The following TERT variants were observed in gnomAD, a reference collection of about 807,000 sequenced individuals.
TERT encodes telomerase reverse transcriptase.
Under a neutral mutation model 104.0 loss-of-function variants are expected in TERT, and 42 were observed. The ratio of observed to expected loss-of-function variants is 0.40; its 90% CI spans 0.32 to 0.52. The LOEUF is 0.52. TERT is among the 20% of genes least tolerant of loss of function. TERT has a pLI of 0.43. For missense variants in TERT, 1,101 were observed against 1,610.3 expected, an observed-to-expected ratio of 0.68 and a Z score of 5.41; for synonymous variants, 781 against 725.6, an observed-to-expected ratio of 1.08 and a Z score of -1.23.
rs1247698223 is a variant in TERT at position 1,279,192 on chromosome 5, G to A, written c.2130+99C>T. 6 of 1,380,184 alleles carry A rather than the reference G, an allele frequency of 4.3e-6. No homozygotes were observed. The East Asian group carries it at 1.5e-4, about 35-fold the overall frequency. 85.5% of individuals were successfully genotyped at this position (1,380,184 alleles called of 1,614,324 possible). On this transcript the variant is annotated intron_variant, in intron 5 of 15. Coordinates refer to ENST00000310581, the MANE Select transcript of TERT (RefSeq NM_198253.3). ...GACAGGGTCACCTGCACTCCCTGCG[G>A]CCCACCCAGGAGTACCTCCTCCACC...
intron 6 of TERT, among the ~76,000 whole-genome samples, chr5:1,273,598 C>A (rs1274339839): frequency 8.7e-5 from 3 of 34,568 alleles, no homozygotes; most frequent in Non-Finnish European, 5.4e-5. Flanking sequence ...CCACATCAGA[C>A]CCCACGACCG....
In TERT at chr5:1,253,835, C is replaced by T. The variant is rs780229179; in HGVS notation, c.3296-4G>A. The T allele has an allele frequency of 6.2e-6, 10 of 1,606,100 alleles. No homozygotes were observed. The highest frequency in any genetic ancestry group is 1.3e-5 in the African/African-American group (1 of 75,044). On this transcript the variant is annotated splice_region_variant and splice_polypyrimidine_tract_variant and intron_variant, in intron 15 of 15. Transcript: ENST00000310581. ...TTCCGACTCAGCTGCGTCTGGGCTG[C>T]GGGGCCAAAATCAGACTCCGTTCCA... is the stretch of plus-strand genomic sequence containing the variant.
At chr5:1,289,460 A>G (rs1419310886) in intron 2 of TERT, among the ~76,000 whole-genome samples, 9 of 40,328 alleles carry the variant, frequency 2.2e-4, no homozygotes, top group South Asian at 1.3e-3. Context: ...ACACCCGGGG[A>G]CGGCGCCTCA....
In TERT at chr5:1,257,506, G is replaced by A. The variant is rs2736122; in HGVS notation, c.3032+1092C>T. Among the ~76,000 whole-genome samples, 34,594 of 152,026 alleles carry A rather than the reference G, an allele frequency of 0.23. 4,087 individuals carry two copies. The highest frequency in any genetic ancestry group is 0.26 in the Non-Finnish European group (18,004 of 67,962). ...AGGCACGCGTCAGGGAGATGCAAAC[G>A]AGGGAAGATTTGAGGCAGAGAGAGA... On this transcript the variant is annotated intron_variant, in intron 13 of 15. Coordinates refer to ENST00000310581, the MANE Select transcript of TERT (RefSeq NM_198253.3). This position sits in a 1 kb window ranked among gnomAD's most constrained non-coding sequence, Gnocchi z 5.6.
Position 1,292,863 on chromosome 5 carries a change from G to A in TERT, c.1573+450C>T, listed in dbSNP as rs1751079255. Among the ~76,000 whole-genome samples the A allele has an allele frequency of 1.3e-5, 2 of 152,168 alleles. No homozygotes were observed. The highest frequency in any genetic ancestry group is 2.9e-5 in the Non-Finnish European group (2 of 68,040). On this transcript the variant is annotated intron_variant, in intron 2 of 15. Coordinates refer to ENST00000310581, the MANE Select transcript of TERT (RefSeq NM_198253.3). The surrounding 1 kb of genome is among the most constrained non-coding windows in gnomAD (Gnocchi z 5.5). The stretch of plus-strand genomic sequence containing the variant: ...ACAAACCTGCATATTGGCTGACCAC[G>A]TGCACCTGCAAAACCCTTACCTCCC...
intron 6 of TERT, among the ~76,000 whole-genome samples, chr5:1,272,604 TCAC>T (rs1161322144): frequency 3.1e-4 from 6 of 19,558 alleles, no homozygotes; most frequent in Admixed American, 1.1e-3. Context: ...CCATCCACAG[TCAC>T]CACATCAGAC....
rs372675321 is a variant in TERT, at chr5:1,257,361, C to A, written c.3032+1237G>T. Reference sequence around the variant, plus strand: ...CATCATGGCCCAAGGAGGCCCCAAGCACGCCAGCTGGACCCTGGGGTCAAC... The same window carrying A: ...CATCATGGCCCAAGGAGGCCCCAAGAACGCCAGCTGGACCCTGGGGTCAAC... On this transcript the variant is annotated intron_variant, in intron 13 of 15. Coordinates refer to ENST00000310581, the MANE Select transcript of TERT (RefSeq NM_198253.3). The surrounding 1 kb of genome is among the most constrained non-coding windows in gnomAD (Gnocchi z 5.6). Among the ~76,000 whole-genome samples, 100 of 152,298 alleles carry A rather than the reference C, an allele frequency of 6.6e-4. No individual in the cohort carries two copies. In the Middle Eastern group the frequency reaches 0.017, roughly 26 times the overall value.
At chr5:1,253,983 C>T (rs35749463) in intron 15 of TERT, 152 bp from the exon 16 acceptor site, 149 of 891,546 alleles carry the variant, frequency 1.7e-4, no homozygotes, top group Non-Finnish European at 2.4e-4. Context: ...ACCCCTCCAC[C>T]GGGGCGAGCA....
chr5:1,257,667 G>A lies in TERT; in HGVS notation c.3032+931C>T, dbSNP rs1747847057. Among the ~76,000 whole-genome samples, 1 of 152,240 alleles carries A rather than the reference G, an allele frequency of 6.6e-6. No homozygotes were observed. The highest frequency in any genetic ancestry group is 6.5e-5 in the Admixed American group (1 of 15,294). ...TCCCTGCCAGAGCATGAAGGCGCAAGCACTCGGGTTAAAAACCATTTTCAT... is the reference window on the plus strand; with the variant it reads ...TCCCTGCCAGAGCATGAAGGCGCAAACACTCGGGTTAAAAACCATTTTCAT... On this transcript the variant is annotated intron_variant, in intron 13 of 15. Transcript: ENST00000310581. The surrounding 1 kb of genome is among the most constrained non-coding windows in gnomAD (Gnocchi z 5.6).
chr5:1,279,037 C>T (rs961011720), intron 5 of TERT, among the ~76,000 whole-genome samples: 6 of 152,218 alleles, frequency 3.9e-5, no homozygotes, highest in African/African-American at 9.6e-5. Flanking sequence ...CCTTCTCTGA[C>T]GGAAACTGGA....
At position 1,254,509 on chromosome 5, in the gene TERT, G is replaced by A. The variant is rs767207462; in HGVS notation, c.3158-4C>T. 3.1e-6 allele frequency: 5 copies of A among 1,610,324 alleles called. No individual in the cohort carries two copies. In the South Asian group the frequency reaches 4.4e-5, roughly 14 times the overall value. ...CCCTTGGCCCCCAGCGACATCCCTG[G>A]GGGAAAACAGAGGCTGAGGAGTCAC... On this transcript the variant is annotated splice_polypyrimidine_tract_variant and splice_region_variant and intron_variant, in intron 14 of 15. Coordinates refer to ENST00000310581, the MANE Select transcript of TERT (RefSeq NM_198253.3).
intron 12 of TERT, among the ~76,000 whole-genome samples, chr5:1,259,350 GGAGA>G (rs1376024548): frequency 7.4e-6 from 1 of 134,320 alleles, no homozygotes; most frequent in African/African-American, 2.9e-5. Flanking sequence ...GACGCCCACA[GGAGA>G]GAGGGAGCAG....
chr5:1,266,804 C>A (rs34033712), intron 9 of TERT, among the ~76,000 whole-genome samples: 1 of 152,210 alleles, frequency 6.6e-6, no homozygotes, highest in Non-Finnish European at 1.5e-5. Flanking sequence ...GGCCATCAGG[C>A]GCGGCCCCAC....
At chr5:1,285,327 T>G (rs941084739) in intron 2 of TERT, among the ~76,000 whole-genome samples, 50 of 152,102 alleles carry the variant, frequency 3.3e-4, no homozygotes, top group African/African-American at 1.1e-3. Context: ...ACCTGCACCA[T>G]CTGGTACAAC....
Position 1,255,161 on chromosome 5 carries a change from G to T in TERT, c.3157+126C>A. ...CGGGCAGACGAGCCTGACAGTGGTT[G>T]GGTTAAACCACTTCCTGATGCGAAA... On this transcript the variant is annotated intron_variant, in intron 14 of 15. Transcript: ENST00000310581. This position sits in a 1 kb window ranked among gnomAD's most constrained non-coding sequence, Gnocchi z 6.9. 1 of 1,239,040 alleles carries T rather than the reference G, an allele frequency of 8.1e-7. No individual in the cohort carries two copies. Among genetic ancestry groups the T allele is most frequent in the Non-Finnish European group, 1.1e-6 (1 of 874,028 alleles). The allele number at this position is 1,239,040 out of a possible 1,614,324, so 76.8% of individuals were successfully genotyped here.
chr5:1,290,546 C>G (rs1353348140), intron 2 of TERT, among the ~76,000 whole-genome samples: 3 of 62,468 alleles, frequency 4.8e-5, no homozygotes, highest in African/African-American at 1.1e-4. Context: ...ACAGGGACAC[C>G]CGGGGACGGT....
chr5:1,284,600 C>CAG (rs1269101307), intron 2 of TERT, among the ~76,000 whole-genome samples: 1 of 133,462 alleles, frequency 7.5e-6, no homozygotes, highest in Non-Finnish European at 1.6e-5. Context: ...CTGGACACTG[C>CAG]ACATCCAGCT....
At chr5:1,264,632 C>A in intron 10 of TERT, 40 bp from the exon 11 acceptor site, 1 of 1,609,838 alleles carries the variant, frequency 6.2e-7, no homozygotes, top group Non-Finnish European at 8.5e-7. Flanking sequence ...GATGCGGGGC[C>A]GTCACCCAGG....
At position 1,282,412 on chromosome 5, in the gene TERT, G is replaced by T; in HGVS notation, c.1769+17C>A. The T allele has an allele frequency of 6.2e-7, 1 of 1,613,286 alleles. No homozygotes were observed. Among genetic ancestry groups the T allele is most frequent in the Non-Finnish European group, 8.5e-7 (1 of 1,179,380 alleles). On this transcript the variant is annotated intron_variant, in intron 3 of 15. Coordinates refer to ENST00000310581, the MANE Select transcript of TERT (RefSeq NM_198253.3). Reference sequence around the variant, plus strand: ...CAGGACTTCGAGAAGCAGAGGCCTGGCGTGGGGATACAGTACCTGATTCCA... The same window carrying T: ...CAGGACTTCGAGAAGCAGAGGCCTGTCGTGGGGATACAGTACCTGATTCCA...
Sources: allele counts gnomAD v4.1 joint callset (sites outside exome capture counted in the v4.1 genomes callset), GRCh38; gene constraint gnomAD v4.1.1; non-coding constraint Gnocchi (gnomAD v3.1); transcripts MANE v1.5; gene names NCBI Gene and HGNC (gene_info 2026-07-23, HGNC 2026-07-21).